Variants in BBS9 observed in about 807,000 individuals in gnomAD.
The protein encoded by BBS9 is protein PTHB1.
A neutral mutation model predicts 117.7 loss-of-function variants in BBS9; 89 were observed. The ratio of observed to expected loss-of-function variants is 0.76; its 90% CI spans 0.64 to 0.90. The LOEUF is 0.90. Ranked by LOEUF, BBS9 falls within the 40% of genes least tolerant of loss-of-function variation. BBS9 has a pLI of 0.00. For synonymous variants in BBS9, 379 were observed against 370.9 expected (o/e 1.02, Z -0.25); for missense variants, 982 against 1,042.2 (o/e 0.94, Z 0.80).
At position 33,363,934 on chromosome 7, in the gene BBS9, AT is replaced by A. The variant is rs1358313123; in HGVS notation, c.1694-3822del. Among the ~76,000 whole-genome samples the A allele has an allele frequency of 1.2e-3, 116 of 100,068 alleles. 28 individuals are homozygous for A. The highest frequency in any genetic ancestry group is 3.2e-3 in the East Asian group (11 of 3,488). The allele number at this position is 100,068 out of a possible 152,430, so 65.6% of individuals were successfully genotyped here. ...TATATTATCTTTTCACTATATTTTT[AT>A]TTTTTTTTTTATTTTTTATTTTTTT... is the stretch of plus-strand genomic sequence containing the variant. On this transcript the variant is annotated intron_variant, in intron 16 of 22. Coordinates refer to ENST00000242067, the MANE Select transcript of BBS9 (RefSeq NM_198428.3).
intron 9 of BBS9, among the ~76,000 whole-genome samples, chr7:33,307,268 T>A (rs1296380856): frequency 6.6e-6 from 1 of 152,182 alleles, no homozygotes; most frequent in African/African-American, 2.4e-5. Context: ...CCAAAGGGAC[T>A]TTTCAGCCTG....
chr7:33,313,497 G>A (rs1206223845), intron 9 of BBS9, among the ~76,000 whole-genome samples: 2 of 152,144 alleles, frequency 1.3e-5, no homozygotes, highest in African/African-American at 4.8e-5. Context: ...TAACAGTCTT[G>A]TGTTGACTTT....
intron 9 of BBS9, among the ~76,000 whole-genome samples, chr7:33,311,915 C>G (rs540564018): frequency 6.6e-6 from 1 of 152,014 alleles, no homozygotes; most frequent in Admixed American, 6.5e-5. Flanking sequence ...GAATGTTAAT[C>G]TAAATTGTAA....
At chr7:33,603,593 C>G (rs1270069368) in intron 21 of BBS9, among the ~76,000 whole-genome samples, 1 of 152,060 alleles carries the variant, frequency 6.6e-6, no homozygotes, top group African/African-American at 2.4e-5. Flanking sequence ...ATTTCTAACC[C>G]TTAGAAAGTA....
chr7:33,368,291 A>G (rs1019678943), intron 17 of BBS9, among the ~76,000 whole-genome samples: 2 of 152,290 alleles, frequency 1.3e-5, no homozygotes, highest in South Asian at 4.1e-4. Flanking sequence ...CATTTTGGAC[A>G]TTGGCAAAGA....
intron 21 of BBS9, among the ~76,000 whole-genome samples, chr7:33,602,669 C>T (rs979962928): frequency 2.0e-5 from 3 of 152,034 alleles, no homozygotes; most frequent in Non-Finnish European, 4.4e-5. Context: ...ACGGAGGTTG[C>T]GGTGAGCCGA....
chr7:33,471,677 G>C (rs1841054760), intron 19 of BBS9, among the ~76,000 whole-genome samples: 1 of 152,346 alleles, frequency 6.6e-6, no homozygotes, highest in East Asian at 1.9e-4. Flanking sequence ...GCTGTATAGA[G>C]CCCAACAGCC....
At chr7:33,531,885 C>A (rs1343058849) in intron 20 of BBS9, among the ~76,000 whole-genome samples, 1 of 152,182 alleles carries the variant, frequency 6.6e-6, no homozygotes, top group Non-Finnish European at 1.5e-5. Context: ...CTGGGAAAAC[C>A]CCCACGAGAC....
chr7:33,389,307 A>G (rs1362682080), intron 19 of BBS9, among the ~76,000 whole-genome samples: 1 of 152,166 alleles, frequency 6.6e-6, no homozygotes, highest in African/African-American at 2.4e-5. Context: ...GAAAGGACAA[A>G]TCAGATTTTT....
chr7:33,549,371 G>A (rs2129087397), intron 21 of BBS9, among the ~76,000 whole-genome samples: 1 of 145,250 alleles, frequency 6.9e-6, no homozygotes, highest in Middle Eastern at 3.4e-3. Flanking sequence ...GCATGGGCAA[G>A]GACTTCATGT....
intron 1 of BBS9, among the ~76,000 whole-genome samples, chr7:33,136,923 C>T (rs1236279423): frequency 3.3e-5 from 5 of 152,012 alleles, no homozygotes; most frequent in Admixed American, 3.3e-4. Flanking sequence ...TAGTAGAGTC[C>T]ACCAGTGGAT....
At chr7:33,371,542 C>T (rs1160298671) in intron 17 of BBS9, among the ~76,000 whole-genome samples, 1 of 151,904 alleles carries the variant, frequency 6.6e-6, no homozygotes, top group Non-Finnish European at 1.5e-5. Context: ...GGTTGATGAT[C>T]AGGAAAGAGA....
At chr7:33,520,995 A>AT (rs70989956) in intron 20 of BBS9, among the ~76,000 whole-genome samples, 6,226 of 151,356 alleles carry the variant, frequency 0.041, 218 homozygotes, top group East Asian at 0.2. Context: ...ACCAGTCTTT[A>AT]TTTTTTTTTG....
chr7:33,135,199 A>G (rs1466563208), intron 1 of BBS9, among the ~76,000 whole-genome samples: 1 of 152,066 alleles, frequency 6.6e-6, no homozygotes, highest in Non-Finnish European at 1.5e-5. Context: ...GCCCTTATTT[A>G]TTTTTTATTG....
At chr7:33,153,869 T>G (rs12671333) in intron 3 of BBS9, among the ~76,000 whole-genome samples, 52,209 of 152,000 alleles carry the variant, frequency 0.34, 9,198 homozygotes, top group East Asian at 0.51. Flanking sequence ...GTGATTAGGT[T>G]CCCATCATGT....
intron 7 of BBS9, among the ~76,000 whole-genome samples, chr7:33,269,528 G>A (rs955887072): frequency 9.2e-5 from 14 of 152,104 alleles, no homozygotes; most frequent in African/African-American, 3.1e-4. Flanking sequence ...AAGCTGGGGA[G>A]GGAATATAAA....
chr7:33,327,196 T>C (rs547013218), intron 9 of BBS9, among the ~76,000 whole-genome samples: 1 of 152,254 alleles, frequency 6.6e-6, no homozygotes, highest in East Asian at 1.9e-4. Context: ...TCTGGCAGAA[T>C]AGAAAATGAA....
intron 21 of BBS9, among the ~76,000 whole-genome samples, chr7:33,590,373 C>G (rs1320644827): frequency 6.6e-6 from 1 of 150,956 alleles, no homozygotes; most frequent in Non-Finnish European, 1.5e-5. Context: ...TTGTTGTCCT[C>G]TATTATTGAT....
rs1305444041 is a variant in BBS9 at position 33,141,072 on chromosome 7, G to GT, written c.-11-5163dup. ...TACAGTGATCAAAACCATCAAATTT[G>GT]TTTTTTTCGTAGAGACTGGGTCTCT... On this transcript the variant is annotated intron_variant, in intron 1 of 22. Coordinates refer to ENST00000242067, the MANE Select transcript of BBS9 (RefSeq NM_198428.3). Among the ~76,000 whole-genome samples the GT allele has an allele frequency of 2.6e-5, 4 of 152,162 alleles. No individual in the cohort carries two copies. In the East Asian group the frequency reaches 7.7e-4, roughly 29 times the overall value.
Sources: gnomAD v4.1 joint callset for allele counts (sites outside exome capture counted in the v4.1 genomes callset) on GRCh38, gnomAD v4.1.1 for gene constraint, MANE v1.5 for transcripts, NCBI Gene and HGNC (gene_info 2026-07-23, HGNC 2026-07-21) for gene names.